CENPP: variants seen among roughly 807,000 people sequenced by gnomAD.
The protein encoded by CENPP is centromere protein P.
A neutral mutation model predicts 35.6 loss-of-function variants in CENPP; 24 were observed. The ratio of observed to expected loss-of-function variants is 0.67; its 90% confidence interval spans 0.49 to 0.95. The LOEUF (loss-of-function observed/expected upper bound fraction) is 0.95. Ranked by LOEUF, CENPP falls within the 40% of genes least tolerant of loss-of-function variation. The pLI is 0.00. For missense variants in CENPP, 332 were observed against 345.3 expected (o/e 0.96, Z 0.31); for synonymous variants, 120 against 125.5 (o/e 0.96, Z 0.29).
intron 5 of CENPP, among the ~76,000 whole-genome samples, chr9:92,554,520 A>G (rs2131332791): frequency 6.6e-6 from 1 of 151,512 alleles, no homozygotes; most frequent in South Asian, 2.1e-4. Flanking sequence ...TATCACGTTT[A>G]TTGACCTGCA....
intron 5 of CENPP, among the ~76,000 whole-genome samples, chr9:92,394,923 A>G (rs1372936540): frequency 6.6e-6 from 1 of 152,062 alleles, no homozygotes; most frequent in Non-Finnish European, 1.5e-5. Flanking sequence ...TTGAAATTTT[A>G]ATTGATATTT....
chr9:92,344,578 C>T (rs1156438872), intron 3 of CENPP, among the ~76,000 whole-genome samples: 1 of 151,920 alleles, frequency 6.6e-6, no homozygotes, highest in African/African-American at 2.4e-5. Flanking sequence ...GACTGAGTCT[C>T]GCTCTGTTGC....
intron 5 of CENPP, among the ~76,000 whole-genome samples, chr9:92,397,502 G>T (rs1006447622): frequency 6.6e-6 from 1 of 151,966 alleles, no homozygotes; most frequent in African/African-American, 2.4e-5. Flanking sequence ...AATTTTTTTT[G>T]TATTTTTAGT....
At chr9:92,607,029 A>G (rs553604912) in intron 5 of CENPP, among the ~76,000 whole-genome samples, 1 of 152,186 alleles carries the variant, frequency 6.6e-6, no homozygotes, top group African/African-American at 2.4e-5. Flanking sequence ...AAACCACCCA[A>G]AAGTCTGTTA....
At chr9:92,381,358 A>G (rs535132798) in intron 5 of CENPP, among the ~76,000 whole-genome samples, 78 of 150,106 alleles carry the variant, frequency 5.2e-4, no homozygotes, top group African/African-American at 1.6e-3. Context: ...GTCACGGCTC[A>G]TGGCAGCTTT....
At chr9:92,585,616 G>A (rs923395353) in intron 5 of CENPP, among the ~76,000 whole-genome samples, 4 of 152,140 alleles carry the variant, frequency 2.6e-5, no homozygotes, top group African/African-American at 9.7e-5. Flanking sequence ...GGCTCTCAAA[G>A]AATCAGTATC....
At chr9:92,363,919 G>T (rs543300745) in intron 4 of CENPP, among the ~76,000 whole-genome samples, 2 of 152,080 alleles carry the variant, frequency 1.3e-5, no homozygotes, top group East Asian at 3.9e-4. Flanking sequence ...TGCAAACCCG[G>T]CTCACTGCAA....
chr9:92,619,959 T>A lies in CENPP; in HGVS notation c.*6810T>A. 4.1e-6 allele frequency: 1 copy of A among 241,702 alleles called. No homozygotes were observed. Among genetic ancestry groups the A allele is most frequent in the Non-Finnish European group, 8.6e-6 (1 of 116,906 alleles). The allele number at this position is 241,702 out of a possible 1,614,324, so 15.0% of individuals were successfully genotyped here. On this transcript the variant is annotated 3_prime_UTR_variant, in exon 8 of 8. Transcript: ENST00000375587. Reference sequence around the variant, plus strand: ...TATCAAGTGAGTATCACTCGACACCTGCAAGGAGAGCGCAGGGGGTGTTCA... The same window carrying A: ...TATCAAGTGAGTATCACTCGACACCAGCAAGGAGAGCGCAGGGGGTGTTCA...
chr9:92,332,348 A>G lies in CENPP; in HGVS notation c.286A>G (p.Lys96Glu). Residue 96 changes from lysine to glutamate, a missense_variant, in exon 2 of 8, where the codon AAG (lysine) becomes GAG (glutamate). Coordinates refer to ENST00000375587, the MANE Select transcript of CENPP (RefSeq NM_001012267.3). Reference sequence around the variant, plus strand: ...CCTAACAAGCACTGAGATGACAGAAAAGAGTAAGCATTTTTTTTAAATCTA... The same window carrying G: ...CCTAACAAGCACTGAGATGACAGAAGAGAGTAAGCATTTTTTTTAAATCTA... ...EDLTSTEMTE[K>E]SIRKVLQRHR... The G allele has an allele frequency of 5.1e-6, 8 of 1,560,516 alleles. No homozygotes were observed. The South Asian group carries it at 8.5e-5, about 16-fold the overall frequency.
chr9:92,501,780 A>G (rs1846694035), intron 5 of CENPP, among the ~76,000 whole-genome samples: 1 of 152,156 alleles, frequency 6.6e-6, no homozygotes, highest in Non-Finnish European at 1.5e-5. Flanking sequence ...AGGCTGTGCT[A>G]CTTAGGCACA....
chr9:92,609,482 G>A (rs770023712), intron 5 of CENPP, among the ~76,000 whole-genome samples: 12 of 152,318 alleles, frequency 7.9e-5, no homozygotes, highest in Admixed American at 3.3e-4. Flanking sequence ...CAGGGAAAAC[G>A]TCCCCTCACT....
chr9:92,548,120 C>T (rs989816340), intron 5 of CENPP, among the ~76,000 whole-genome samples: 2 of 152,194 alleles, frequency 1.3e-5, no homozygotes, highest in Non-Finnish European at 2.9e-5. Flanking sequence ...GGTTTGGCAT[C>T]CCTGAGGTCC....
chr9:92,480,318 C>T (rs1845868660), intron 5 of CENPP, among the ~76,000 whole-genome samples: 1 of 152,132 alleles, frequency 6.6e-6, no homozygotes, highest in Non-Finnish European at 1.5e-5. Flanking sequence ...GAGACTTTCC[C>T]CCCATGGCCC....
chr9:92,450,935 A>T (rs1220829102), intron 5 of CENPP, among the ~76,000 whole-genome samples: 1 of 151,590 alleles, frequency 6.6e-6, no homozygotes, highest in East Asian at 1.9e-4. Flanking sequence ...CCACTTTTTG[A>T]TGGGGTTGTT....
intron 5 of CENPP, among the ~76,000 whole-genome samples, chr9:92,500,324 A>G (rs1846593302): frequency 6.6e-6 from 1 of 152,016 alleles, no homozygotes; most frequent in Non-Finnish European, 1.5e-5. Flanking sequence ...CTGGCATTAC[A>G]GACACGCACC....
At chr9:92,557,413 G>C (rs1338472628) in intron 5 of CENPP, among the ~76,000 whole-genome samples, 2 of 152,180 alleles carry the variant, frequency 1.3e-5, no homozygotes, top group East Asian at 3.8e-4. Flanking sequence ...CCCCAAATAT[G>C]TTTTTCAAGC....
chr9:92,496,574 T>G, intron 5 of CENPP: 1 of 1,509,742 alleles, frequency 6.6e-7, no homozygotes, highest in Non-Finnish European at 8.8e-7. Context: ...AAAATTTTGT[T>G]CTTAAAATAA....
intron 5 of CENPP, among the ~76,000 whole-genome samples, chr9:92,515,574 T>C (rs935562827): frequency 2.6e-5 from 4 of 152,254 alleles, no homozygotes; most frequent in Non-Finnish European, 4.4e-5. Flanking sequence ...GATACCTTTA[T>C]AATAGATACT....
intron 5 of CENPP, among the ~76,000 whole-genome samples, chr9:92,524,612 C>T (rs536234686): frequency 6.6e-6 from 1 of 152,292 alleles, no homozygotes; most frequent in East Asian, 1.9e-4. Flanking sequence ...TGCAGCTTTC[C>T]TCCTGCTCTT....
Sources: gnomAD v4.1 joint callset for allele counts (sites outside exome capture counted in the v4.1 genomes callset) on GRCh38, gnomAD v4.1.1 for gene constraint, MANE v1.5 for transcripts, NCBI Gene and HGNC (gene_info 2026-07-23, HGNC 2026-07-21) for gene names.